CHEK1: variants seen among roughly 807,000 people sequenced by gnomAD.
CHEK1 encodes checkpoint kinase 1, also known as serine/threonine-protein kinase Chk1.
A neutral mutation model predicts 60.2 loss-of-function variants in CHEK1; 32 were observed. The ratio of observed to expected loss-of-function variants is 0.53; its 90% CI spans 0.40 to 0.71. The LOEUF is 0.71. Ranked by LOEUF, CHEK1 falls within the 30% of genes least tolerant of loss-of-function variation. The pLI, the probability that CHEK1 is intolerant of heterozygous loss-of-function variation, is 0.00. For synonymous variants in CHEK1, 179 were observed against 187.2 expected (o/e 0.96, Z 0.36); for missense variants, 399 against 564.6 (o/e 0.71, Z 2.97).
In CHEK1 at chr11:125,625,803, C is replaced by G. The variant is rs987393347; in HGVS notation, c.-230C>G. On this transcript the variant is annotated 5_prime_UTR_variant, in exon 1 of 13. Coordinates refer to ENST00000438015, the MANE Select transcript of CHEK1 (RefSeq NM_001114122.3). Reference sequence around the variant, plus strand: ...TAAATCTCTTCAGCCAGGATCTCTCCCCGACTGCAAAGCAGCCCTGGGCGG... The same window carrying G: ...TAAATCTCTTCAGCCAGGATCTCTCGCCGACTGCAAAGCAGCCCTGGGCGG... 3 of 701,802 alleles carry G rather than the reference C, an allele frequency of 4.3e-6. No homozygotes were observed. In the African/African-American group the frequency reaches 5.2e-5, roughly 12 times the overall value. 43.5% of individuals were successfully genotyped at this position (701,802 alleles called of 1,614,324 possible).
intron 8 of CHEK1, among the ~76,000 whole-genome samples, chr11:125,640,338 G>C (rs959842261): frequency 2.6e-5 from 4 of 151,944 alleles, no homozygotes; most frequent in Non-Finnish European, 5.9e-5. Context: ...TCAGGAGATC[G>C]AGACCATCCT....
intron 12 of CHEK1, 62 bp from the exon 13 acceptor site, chr11:125,655,163 A>T: frequency 1.6e-6 from 2 of 1,228,110 alleles, no homozygotes; most frequent in Non-Finnish European, 2.3e-6. Flanking sequence ...GATTGATTTT[A>T]GGACAGAATT....
At chr11:125,647,302 G>A (rs1941539756) in intron 11 of CHEK1, among the ~76,000 whole-genome samples, 1 of 151,348 alleles carries the variant, frequency 6.6e-6, no homozygotes, top group African/African-American at 2.4e-5. Flanking sequence ...GGTCATAGAT[G>A]TATGGGTTTA....
intron 3 of CHEK1, 129 bp from the exon 4 acceptor site, chr11:125,629,103 A>C (rs1157017129): frequency 1.2e-6 from 1 of 818,640 alleles, no homozygotes; most frequent in Non-Finnish European, 2.0e-6. Context: ...TGGACTCCTG[A>C]ATCTTTTGTT....
rs759626115 is a variant in CHEK1 at position 125,653,852 on chromosome 11, T to A, written c.1335+5T>A. 1.4e-6 allele frequency: 2 copies of A among 1,444,562 alleles called. No individual in the cohort carries two copies. The highest frequency in any genetic ancestry group is 2.8e-5 in the African/African-American group (2 of 70,312). 89.5% of individuals were successfully genotyped at this position (1,444,562 alleles called of 1,614,324 possible). A position where few individuals can be genotyped will look rare whatever the true frequency, so the allele number is the denominator to read the frequency against. On this transcript the variant is annotated splice_donor_5th_base_variant and intron_variant, in intron 12 of 12. Coordinates refer to ENST00000438015, the MANE Select transcript of CHEK1 (RefSeq NM_001114122.3). This position sits in a 1 kb window ranked among gnomAD's most constrained non-coding sequence, Gnocchi z 4.3. ...GTTGACTTCCGGCTTTCTAAGGTAT[T>A]TTTATGTTTTATTGTATTCTTTCTA...
chr11:125,642,936 CAA>C (rs1413283539), intron 8 of CHEK1: 2 of 152,028 alleles, frequency 1.3e-5, no homozygotes, highest in East Asian at 3.9e-4. Flanking sequence ...ACTAGAGAAA[CAA>C]ATATTATCTG....
intron 13 of CHEK1, among the ~76,000 whole-genome samples, chr11:125,662,323 CTT>C (rs1011362882): frequency 6.6e-6 from 1 of 152,118 alleles, no homozygotes; most frequent in African/African-American, 2.4e-5. Context: ...TTTAGGGCCT[CTT>C]TTTTAAGGGC....
intron 11 of CHEK1, among the ~76,000 whole-genome samples, chr11:125,651,390 C>T (rs757533789): frequency 9.3e-5 from 14 of 149,822 alleles, no homozygotes; most frequent in Non-Finnish European, 1.6e-4. Flanking sequence ...CGGGTTCAAG[C>T]GATTCTCCTG....
At chr11:125,661,159 G>A (rs1012248073), downstream of CHEK1, among the ~76,000 whole-genome samples, 5 of 152,056 alleles carry the variant, frequency 3.3e-5, no homozygotes, top group African/African-American at 1.2e-4. Flanking sequence ...AATCCAATCT[G>A]ACAGTATTTG....
chr11:125,634,908 T>C (rs1591397673), intron 6 of CHEK1, among the ~76,000 whole-genome samples: 1 of 152,114 alleles, frequency 6.6e-6, no homozygotes, highest in Non-Finnish European at 1.5e-5. Context: ...CTGTGTATCA[T>C]GTAAACATTT....
Position 125,653,766 on chromosome 11 carries a change from T to C in CHEK1, c.1254T>C (p.Asp418=). The change falls in exon 12 of 13, where the codon GAT becomes GAC. Residue 418 remains aspartate, a synonymous_variant. Coordinates refer to ENST00000438015, the MANE Select transcript of CHEK1 (RefSeq NM_001114122.3). The surrounding 1 kb of genome is among the most constrained non-coding windows in gnomAD (Gnocchi z 4.3). ...CTTAGGTTACTATATCAACAACTGA[T>C]AGGAGAAACAATAAACTCATTTTCA... ...CMNQVTISTT[D]RRNNKLIFKV... is the part of the protein sequence containing the mutation. The C allele has an allele frequency of 1.3e-6, 2 of 1,587,658 alleles. No individual in the cohort carries two copies. Among genetic ancestry groups the C allele is most frequent in the South Asian group, 1.1e-5 (1 of 87,674 alleles).
chr11:125,665,384 G>A (rs1331726712), intron 13 of CHEK1, among the ~76,000 whole-genome samples: 2 of 151,968 alleles, frequency 1.3e-5, no homozygotes, highest in African/African-American at 2.4e-5. Context: ...CTGTTTTGTA[G>A]TATTTTGTTG....
intron 12 of CHEK1, among the ~76,000 whole-genome samples, chr11:125,654,556 G>C (rs1941845097): frequency 1.3e-5 from 2 of 151,960 alleles, no homozygotes; most frequent in Admixed American, 1.3e-4. Flanking sequence ...TTTATGCATA[G>C]ATTTTTTTGT....
At chr11:125,668,907 T>G (rs1170323617) in intron 13 of CHEK1, among the ~76,000 whole-genome samples, 1 of 152,156 alleles carries the variant, frequency 6.6e-6, no homozygotes, top group Non-Finnish European at 1.5e-5. Flanking sequence ...TTTTTTAAAT[T>G]CTTTTTTCCA....
chr11:125,664,884 C>A (rs1197915546), intron 13 of CHEK1, among the ~76,000 whole-genome samples: 1 of 152,082 alleles, frequency 6.6e-6, no homozygotes, highest in Non-Finnish European at 1.5e-5. Context: ...CAAATGTTTT[C>A]TTCTAGTAGT....
intron 11 of CHEK1, among the ~76,000 whole-genome samples, chr11:125,645,900 A>T (rs947072459): frequency 1.3e-5 from 2 of 150,908 alleles, no homozygotes; most frequent in Admixed American, 1.3e-4. Flanking sequence ...ACTGTGTAGA[A>T]ATCTGAGGTC....
intron 13 of CHEK1, chr11:125,672,586 C>G (rs569313764): frequency 6.2e-7 from 1 of 1,613,780 alleles, no homozygotes; most frequent in African/African-American, 1.3e-5. Flanking sequence ...AGCAAGGGCC[C>G]AGGCTTCTAG....
In CHEK1 at chr11:125,629,212, T is replaced by G; in HGVS notation, c.290-20T>G. 6.2e-7 allele frequency: 1 copy of G among 1,612,648 alleles called. No individual in the cohort carries two copies. Among genetic ancestry groups the G allele is most frequent in the Non-Finnish European group, 8.5e-7 (1 of 1,178,654 alleles). On this transcript the variant is annotated intron_variant, in intron 3 of 12. Transcript: ENST00000438015. ...CCTGATTATATTTAGTCAATAAACTTACTTTCATATTTGTTTTAGAGCCAG... is the reference window on the plus strand; with the variant it reads ...CCTGATTATATTTAGTCAATAAACTGACTTTCATATTTGTTTTAGAGCCAG...
intron 13 of CHEK1, among the ~76,000 whole-genome samples, chr11:125,666,156 T>C (rs1942095804): frequency 6.6e-6 from 1 of 151,818 alleles, no homozygotes; most frequent in Admixed American, 6.6e-5. Flanking sequence ...TTTTTAGCAC[T>C]ATTTTTGCTG....
Sources: allele counts gnomAD v4.1 joint callset (sites outside exome capture counted in the v4.1 genomes callset), GRCh38; gene constraint gnomAD v4.1.1; non-coding constraint Gnocchi (gnomAD v3.1); transcripts MANE v1.5; gene names NCBI Gene and HGNC (gene_info 2026-07-23, HGNC 2026-07-21).